The following KDM4C variants were observed in gnomAD, a reference collection of about 807,000 sequenced individuals.
KDM4C encodes lysine-specific demethylase 4C.
KDM4C carries 81 observed loss-of-function variants against 129.3 expected under a neutral mutation model. The ratio of observed to expected loss-of-function variants is 0.63; its 90% confidence interval spans 0.52 to 0.75. KDM4C has a LOEUF of 0.75. Among genes scored for constraint, KDM4C ranks in the 30% least tolerant of loss-of-function variants. KDM4C has a pLI of 0.00. For synonymous variants in KDM4C, 573 were observed against 456.1 expected (o/e 1.26, Z -3.26); for missense variants, 1,457 against 1,304.0 (o/e 1.12, Z -1.81).
intron 17 of KDM4C, among the ~76,000 whole-genome samples, chr9:7,087,060 C>G (rs1020564890): frequency 1.3e-5 from 2 of 149,518 alleles, no homozygotes; most frequent in African/African-American, 4.9e-5. Context: ...AGGTGGACAA[C>G]AAGACTTTTT....
chr9:7,101,520 G>C (rs1451957753), intron 17 of KDM4C, among the ~76,000 whole-genome samples: 2 of 152,158 alleles, frequency 1.3e-5, no homozygotes, highest in Non-Finnish European at 2.9e-5. Context: ...GCAAAGCATT[G>C]AGTTATAATA....
At position 6,792,953 on chromosome 9, in the gene KDM4C, C is replaced by T. The variant is rs1329706134; in HGVS notation, c.-17-19C>T. The T allele has an allele frequency of 6.2e-7, 1 of 1,612,326 alleles. No homozygotes were observed. The highest frequency in any genetic ancestry group is 8.5e-7 in the Non-Finnish European group (1 of 1,179,192). On this transcript the variant is annotated intron_variant, in intron 1 of 21. Coordinates refer to ENST00000381309, the MANE Select transcript of KDM4C (RefSeq NM_015061.6). ...CATATAATAATTCAGTTCTGTTGAC[C>T]CTACTGTCTTCTCTCCAGACACTGC...
chr9:6,774,377 G>C (rs2130670020), intron 1 of KDM4C, among the ~76,000 whole-genome samples: 1 of 151,878 alleles, frequency 6.6e-6, no homozygotes, highest in Middle Eastern at 3.4e-3. Flanking sequence ...TTAAAGAACA[G>C]TTTTACGCTG....
intron 1 of KDM4C, among the ~76,000 whole-genome samples, chr9:6,748,393 G>T (rs1381883844): frequency 6.6e-6 from 1 of 151,666 alleles, no homozygotes; most frequent in Non-Finnish European, 1.5e-5. Flanking sequence ...TGTAATCTCA[G>T]CTACTAGGGA....
At chr9:7,017,126 A>T (rs1423454804) in intron 15 of KDM4C, among the ~76,000 whole-genome samples, 1 of 152,056 alleles carries the variant, frequency 6.6e-6, no homozygotes, top group Non-Finnish European at 1.5e-5. Context: ...TTGTAGAGAC[A>T]AGGTCTCACT....
chr9:6,835,137 G>A, intron 4 of KDM4C: 1 of 993,690 alleles, frequency 1.0e-6, no homozygotes, highest in Non-Finnish European at 1.6e-6. Context: ...AGATGGCCAT[G>A]GCGGCTTCCA....
chr9:6,969,804 G>A (rs1229506592), intron 8 of KDM4C, among the ~76,000 whole-genome samples: 7 of 152,118 alleles, frequency 4.6e-5, no homozygotes, highest in Admixed American at 2.6e-4. Context: ...TAAGTGCATC[G>A]ATTCTGCCTA....
At chr9:6,722,665 C>T (rs1269077687) in intron 1 of KDM4C, among the ~76,000 whole-genome samples, 1 of 151,964 alleles carries the variant, frequency 6.6e-6, no homozygotes, top group African/African-American at 2.4e-5. Context: ...AGACATGCAC[C>T]ACCATGCCCA....
intron 1 of KDM4C, among the ~76,000 whole-genome samples, chr9:6,763,375 C>G (rs1049060076): frequency 6.6e-6 from 1 of 152,186 alleles, no homozygotes; most frequent in African/African-American, 2.4e-5. Flanking sequence ...AAGCTCAGCT[C>G]AGTTGTCAAC....
chr9:6,910,378 AAT>A (rs1819071477), intron 8 of KDM4C, among the ~76,000 whole-genome samples: 1 of 152,210 alleles, frequency 6.6e-6, no homozygotes, highest in African/African-American at 2.4e-5. Context: ...TAGAATAGAT[AAT>A]GTTATTACCC....
At chr9:6,912,592 A>G (rs1445950231) in intron 8 of KDM4C, among the ~76,000 whole-genome samples, 1 of 152,208 alleles carries the variant, frequency 6.6e-6, no homozygotes, top group Non-Finnish European at 1.5e-5. Context: ...CAAATTGTTC[A>G]TTGTTCTATC....
chr9:7,090,579 T>C (rs1835678144), intron 17 of KDM4C, among the ~76,000 whole-genome samples: 1 of 152,228 alleles, frequency 6.6e-6, no homozygotes, highest in Non-Finnish European at 1.5e-5. Context: ...AAGCTTCCTT[T>C]GCATTAGTGC....
intron 1 of KDM4C, among the ~76,000 whole-genome samples, chr9:6,740,289 C>T (rs1239710572): frequency 6.6e-5 from 10 of 150,922 alleles, no homozygotes; most frequent in Non-Finnish European, 1.3e-4. Flanking sequence ...CTGCAAGCTC[C>T]GCCTCCCGGG....
intron 17 of KDM4C, among the ~76,000 whole-genome samples, chr9:7,056,912 G>C (rs887910459): frequency 6.6e-6 from 1 of 152,058 alleles, no homozygotes; most frequent in African/African-American, 2.4e-5. Context: ...TACTGCCTGG[G>C]TCAATACCAA....
At chr9:6,906,362 A>G (rs1818310815) in intron 8 of KDM4C, among the ~76,000 whole-genome samples, 1 of 152,194 alleles carries the variant, frequency 6.6e-6, no homozygotes. Context: ...CTATGGAAGG[A>G]ATTCTCAGCA....
chr9:7,170,864 G>A, intron 21 of KDM4C: 1 of 601,748 alleles, frequency 1.7e-6, no homozygotes, highest in South Asian at 7.7e-5. Context: ...ACTTGAAGAA[G>A]AAGAATTGTC....
chr9:6,760,314 A>G (rs1169948881), intron 1 of KDM4C, among the ~76,000 whole-genome samples: 5 of 152,030 alleles, frequency 3.3e-5, no homozygotes, highest in East Asian at 1.9e-4. Context: ...CTAATATTCT[A>G]TTATGGATAC....
chr9:7,096,451 C>T (rs1318285434), intron 17 of KDM4C, among the ~76,000 whole-genome samples: 3 of 152,206 alleles, frequency 2.0e-5, no homozygotes, highest in South Asian at 2.1e-4. Context: ...AGCCTTCTCA[C>T]CCGTTCACTT....
chr9:7,032,943 TCTG>T (rs1200447483), intron 15 of KDM4C, among the ~76,000 whole-genome samples: 3 of 152,248 alleles, frequency 2.0e-5, no homozygotes, highest in African/African-American at 7.2e-5. Context: ...TACTCTAGGT[TCTG>T]CCTAGAGGAC....
Sources: allele counts gnomAD v4.1 joint callset (sites outside exome capture counted in the v4.1 genomes callset), GRCh38; gene constraint gnomAD v4.1.1; transcripts MANE v1.5; gene names NCBI Gene and HGNC (gene_info 2026-07-23, HGNC 2026-07-21).